ACYP2: variants seen among roughly 807,000 people sequenced by gnomAD.
ACYP2 encodes the protein acylphosphatase-2.
ACYP2 carries 12 observed loss-of-function variants against 11.2 expected under a neutral mutation model. That is an observed-to-expected ratio of 1.08 (90% CI 0.69 to 1.74). The LOEUF (loss-of-function observed/expected upper bound fraction) is 1.74, where lower values mean the gene tolerates loss of function less well. Ranked by LOEUF, ACYP2 falls within the 40% of genes most tolerant of loss-of-function variation. The pLI is 0.00. For missense variants in ACYP2, 134 were observed against 101.9 expected (o/e 1.31, Z -1.35); for synonymous variants, 43 against 32.2 (o/e 1.33, Z -1.13).
chr2:54,171,439 C>CA (rs1303225876), intron 6 of ACYP2, among the ~76,000 whole-genome samples: 2 of 152,080 alleles, frequency 1.3e-5, no homozygotes, highest in African/African-American at 4.8e-5. Flanking sequence ...ATTTATCTGC[C>CA]AAAAAGCTGT....
At chr2:54,266,782 ATTT>A (rs917285123) in intron 6 of ACYP2, among the ~76,000 whole-genome samples, 2 of 149,584 alleles carry the variant, frequency 1.3e-5, no homozygotes, top group Admixed American at 6.6e-5. Flanking sequence ...ATTTTTTTGT[ATTT>A]TTTTTAGTAC....
intron 4 of ACYP2, among the ~76,000 whole-genome samples, chr2:54,093,304 AC>A (rs1678334045): frequency 3.3e-5 from 5 of 152,272 alleles, no homozygotes; most frequent in Admixed American, 3.3e-4. Flanking sequence ...TGCCGGAAGA[AC>A]TAAAAGTAGA....
chr2:54,085,837 G>T (rs889836026), intron 4 of ACYP2, among the ~76,000 whole-genome samples: 4 of 152,048 alleles, frequency 2.6e-5, no homozygotes, highest in Admixed American at 1.3e-4. Flanking sequence ...TTTTTTGAAG[G>T]CTTGAAGTTT....
intron 4 of ACYP2, among the ~76,000 whole-genome samples, chr2:54,125,397 T>G (rs935305431): frequency 1.3e-5 from 2 of 152,182 alleles, no homozygotes; most frequent in African/African-American, 4.8e-5. Flanking sequence ...ATCACAGTTC[T>G]GAAAGATCAA....
At chr2:54,250,693 A>G (rs1687183867) in intron 6 of ACYP2, among the ~76,000 whole-genome samples, 1 of 152,220 alleles carries the variant, frequency 6.6e-6, no homozygotes, top group African/African-American at 2.4e-5. Context: ...TCTACTCTTT[A>G]TGTAAAAGAA....
chr2:54,136,610 C>G (rs113842309), intron 5 of ACYP2, among the ~76,000 whole-genome samples: 1 of 152,214 alleles, frequency 6.6e-6, no homozygotes, highest in African/African-American at 2.4e-5. Flanking sequence ...TGTGTTGTTT[C>G]ATACAGCTGG....
intron 6 of ACYP2, among the ~76,000 whole-genome samples, chr2:54,262,884 T>C (rs770970985): frequency 6.6e-6 from 1 of 152,190 alleles, no homozygotes. Flanking sequence ...TTCCACTTTA[T>C]TGAACGGTCT....
At chr2:54,225,949 C>A (rs1682120) in intron 6 of ACYP2, among the ~76,000 whole-genome samples, 39,079 of 151,770 alleles carry the variant, frequency 0.26, 5,216 homozygotes, top group South Asian at 0.46. Context: ...CAGGAGATGA[C>A]GGTCTAGTCT....
chr2:54,219,905 A>ATTTTTTTTT (rs1169547989), intron 6 of ACYP2, among the ~76,000 whole-genome samples: 10 of 75,990 alleles, frequency 1.3e-4, no homozygotes, highest in Non-Finnish European at 1.9e-4. Context: ...ATATATATAT[A>ATTTTTTTTT]TTTTTTTTTT....
intron 2 of ACYP2, among the ~76,000 whole-genome samples, chr2:54,002,695 A>G (rs1672860428): frequency 1.3e-5 from 2 of 149,996 alleles, no homozygotes; most frequent in Admixed American, 6.7e-5. Context: ...CTTGCTGCCC[A>G]GGCTGGAGTG....
At chr2:54,161,881 T>C (rs974981988) in intron 6 of ACYP2, among the ~76,000 whole-genome samples, 2 of 152,152 alleles carry the variant, frequency 1.3e-5, no homozygotes, top group Non-Finnish European at 2.9e-5. Flanking sequence ...TGGAGCTCTT[T>C]GGTTTTTATA....
intron 4 of ACYP2, among the ~76,000 whole-genome samples, chr2:54,117,918 C>T (rs554771378): frequency 3.3e-5 from 5 of 152,292 alleles, no homozygotes; most frequent in East Asian, 1.9e-4. Flanking sequence ...TCCCTCACCC[C>T]GTCCTACCCT....
chr2:54,288,636 T>G (rs966405641), intron 6 of ACYP2, among the ~76,000 whole-genome samples: 1 of 152,034 alleles, frequency 6.6e-6, no homozygotes, highest in African/African-American at 2.4e-5. Flanking sequence ...AAATCAGGTG[T>G]TTGTTCCCCT....
At chr2:54,060,500 T>G (rs1676412889) in intron 4 of ACYP2, among the ~76,000 whole-genome samples, 1 of 152,180 alleles carries the variant, frequency 6.6e-6, no homozygotes. Context: ...TTACTGTCTT[T>G]GTTTCTTCTG....
rs185415862 is a variant in ACYP2, at chr2:54,230,477, C to T, written c.405-74211C>T. Among the ~76,000 whole-genome samples, 27 of 152,300 alleles carry T rather than the reference C, an allele frequency of 1.8e-4. No homozygotes were observed. The East Asian group carries it at 3.7e-3, about 21-fold the overall frequency. On this transcript the variant is annotated intron_variant, in intron 6 of 6. Transcript: ENST00000607452. ...GTTCAAGCAATTCTCCTGCCTCAGC[C>T]GCCCGAGTAGCTGGGCGCCACCACA...
chr2:54,291,100 G>C (rs955151807), intron 6 of ACYP2, among the ~76,000 whole-genome samples: 8 of 152,170 alleles, frequency 5.3e-5, no homozygotes, highest in African/African-American at 1.9e-4. Context: ...CTTCACTGAA[G>C]CTGAGCTTGC....
chr2:54,068,035 C>T (rs913866039), intron 4 of ACYP2, among the ~76,000 whole-genome samples: 6 of 152,172 alleles, frequency 3.9e-5, no homozygotes, highest in African/African-American at 2.4e-5. Flanking sequence ...TGTATTTTGT[C>T]ATGGCAGTCG....
rs774165649 is a variant in ACYP2 at position 54,072,482 on chromosome 2, TTC to T, written c.277+15124_277+15125del. On this transcript the variant is annotated intron_variant, in intron 4 of 6. Transcript: ENST00000607452. ...TCTTTCTTTCTTTTTCTTTCTTTCTTTCTTTTTTCTTTCTTTCTCTCTCTCTC... is the reference window on the plus strand; with the variant it reads ...TCTTTCTTTCTTTTTCTTTCTTTCTTTTTTTTCTTTCTTTCTCTCTCTCTC... Among the ~76,000 whole-genome samples, 136 of 114,560 alleles carry T rather than the reference TTC, an allele frequency of 1.2e-3. 2 individuals are homozygous for T. Among genetic ancestry groups the T allele is most frequent in the Non-Finnish European group, 2.0e-3 (105 of 51,694 alleles). The allele number at this position is 114,560 out of a possible 152,430, so 75.2% of individuals were successfully genotyped here.
chr2:54,155,483 A>G (rs1156905309), intron 6 of ACYP2, among the ~76,000 whole-genome samples: 1 of 152,176 alleles, frequency 6.6e-6, no homozygotes, highest in African/African-American at 2.4e-5. Context: ...TGGCAGTACC[A>G]CCTGAGCTCC....
Sources: gnomAD v4.1 joint callset for allele counts (sites outside exome capture counted in the v4.1 genomes callset) on GRCh38, gnomAD v4.1.1 for gene constraint, MANE v1.5 for transcripts, NCBI Gene and HGNC (gene_info 2026-07-23, HGNC 2026-07-21) for gene names.